ANKRA2: variants seen among roughly 807,000 people sequenced by gnomAD.
The protein encoded by ANKRA2 is ankyrin repeat family A protein 2.
ANKRA2 carries 33 observed loss-of-function variants against 37.8 expected under a neutral mutation model. The observed-to-expected ratio is 0.87, with a 90% CI of 0.66 to 1.17. ANKRA2 has a LOEUF of 1.17. Among genes scored for constraint, ANKRA2 ranks in the 50% most tolerant of loss-of-function variants. The pLI, the probability that ANKRA2 is intolerant of heterozygous loss-of-function variation, is 0.00. For missense variants in ANKRA2, 326 were observed against 373.7 expected (o/e 0.87, Z 1.05); for synonymous variants, 126 against 132.3 (o/e 0.95, Z 0.33).
chr5:73,556,776 G>A (rs757902870), intron 4 of ANKRA2, among the ~76,000 whole-genome samples: 3 of 151,888 alleles, frequency 2.0e-5, no homozygotes, highest in Non-Finnish European at 4.4e-5. Context: ...TATATAGCAG[G>A]TAGGTCACAC....
Position 73,562,836 on chromosome 5 carries a change from C to G in ANKRA2, c.46G>C (p.Glu16Gln). ...NLDIGAQLIVEECPSTYSLTG... is the reference protein window; with the variant it reads ...NLDIGAQLIVQECPSTYSLTG... ...AGGCTATAAGTGCTGGGACACTCTT[C>G]CACGATAAGCTGGGCTCCAATATCC... Residue 16 changes from glutamate to glutamine, a missense_variant, in exon 2 of 9, where the codon GAA becomes CAA. Physicochemically the swap from Glu to Gln is conservative, Grantham distance 29 (BLOSUM62 2). Coordinates refer to ENST00000296785, the MANE Select transcript of ANKRA2 (RefSeq NM_023039.5). 6.2e-7 allele frequency: 1 copy of G among 1,613,344 alleles called. No homozygotes were observed. Among genetic ancestry groups the G allele is most frequent in the African/African-American group, 1.3e-5 (1 of 75,030 alleles).
intron 2 of ANKRA2, among the ~76,000 whole-genome samples, chr5:73,561,522 T>C (rs1013572045): frequency 2.6e-5 from 4 of 151,504 alleles, no homozygotes; most frequent in Admixed American, 6.6e-5. Flanking sequence ...CCCCAGCACT[T>C]TGGGAGGCCA....
chr5:73,563,348 C>T (rs978621799), intron 1 of ANKRA2, among the ~76,000 whole-genome samples: 8 of 152,210 alleles, frequency 5.3e-5, no homozygotes, highest in African/African-American at 1.9e-4. Flanking sequence ...TTTCCTATAT[C>T]TGAATATCAC....
At chr5:73,553,055 T>C (rs1306637512) in intron 8 of ANKRA2, among the ~76,000 whole-genome samples, 1 of 152,240 alleles carries the variant, frequency 6.6e-6, no homozygotes, top group Non-Finnish European at 1.5e-5. Context: ...TCCAAGTTAC[T>C]GGACGTTGTG....
At chr5:73,553,888 C>A (rs1747321639) in intron 7 of ANKRA2, among the ~76,000 whole-genome samples, 1 of 152,008 alleles carries the variant, frequency 6.6e-6, no homozygotes, top group Admixed American at 6.6e-5. Flanking sequence ...GATTCTCCTG[C>A]CTTAGCATCC....
chr5:73,556,675 A>C (rs1168975838), intron 4 of ANKRA2, among the ~76,000 whole-genome samples: 2 of 152,166 alleles, frequency 1.3e-5, no homozygotes, highest in Non-Finnish European at 2.9e-5. Flanking sequence ...AGGAAGTCAA[A>C]GGAAAAATGA....
rs34080535 is a variant in ANKRA2, at chr5:73,564,111, G to GA, written c.-105+1020dup. Among the ~76,000 whole-genome samples, 109 of 146,774 alleles carry GA rather than the reference G, an allele frequency of 7.4e-4. 1 individual carries two copies. The highest frequency in any genetic ancestry group is 1.8e-3 in the African/African-American group (73 of 39,468). On this transcript the variant is annotated intron_variant, in intron 1 of 8. Coordinates refer to ENST00000296785, the MANE Select transcript of ANKRA2 (RefSeq NM_023039.5). ...AATAAATAACACATAGTATAGTAAG[G>GA]AAAAAAAAAAAAAGCAGGAAGTAAG...
chr5:73,561,046 C>T (rs1747537744), intron 3 of ANKRA2, 84 bp downstream of exon 3: 4 of 1,325,560 alleles, frequency 3.0e-6, no homozygotes, highest in Non-Finnish European at 4.2e-6. Context: ...AGAAAATATG[C>T]ATTTAATGAA....
intron 2 of ANKRA2, chr5:73,561,505 C>T (rs1020046722): frequency 2.2e-6 from 1 of 454,994 alleles, no homozygotes; most frequent in East Asian, 4.7e-5. Flanking sequence ...GGTGCTCACG[C>T]CTGTAACCCC....
chr5:73,558,273 C>T (rs547282102), intron 3 of ANKRA2, among the ~76,000 whole-genome samples: 3 of 152,072 alleles, frequency 2.0e-5, no homozygotes, highest in Admixed American at 6.6e-5. Flanking sequence ...GCCACCATGC[C>T]TCAGCCTTTT....
At chr5:73,554,473 A>T (rs1203489460) in intron 6 of ANKRA2, 85 bp from the exon 7 acceptor site, 14 of 872,314 alleles carry the variant, frequency 1.6e-5, no homozygotes, top group Non-Finnish European at 2.6e-5. Flanking sequence ...TTTTACTAGA[A>T]TTAGACATAT....
At chr5:73,564,648 A>G (rs7716204) in intron 1 of ANKRA2, among the ~76,000 whole-genome samples, 3 of 152,248 alleles carry the variant, frequency 2.0e-5, no homozygotes, top group Non-Finnish European at 4.4e-5. Flanking sequence ...TTCATCTATT[A>G]TAAAAAGGTG....
At chr5:73,555,449 G>A (rs1179247455) in intron 5 of ANKRA2, 39 bp downstream of exon 5, 3 of 1,609,348 alleles carry the variant, frequency 1.9e-6, no homozygotes, top group East Asian at 2.2e-5. Context: ...CTTAACTTAA[G>A]TAACTATACA....
intron 7 of ANKRA2, 147 bp downstream of exon 7, chr5:73,554,175 G>A: frequency 1.4e-6 from 1 of 700,652 alleles, no homozygotes; most frequent in Admixed American, 2.9e-5. Flanking sequence ...GGCAACTTTT[G>A]GTGGCAGGTG....
intron 2 of ANKRA2, 105 bp downstream of exon 2, chr5:73,562,488 T>C (rs1173891190): frequency 1.0e-5 from 11 of 1,073,592 alleles, no homozygotes; most frequent in East Asian, 5.1e-5. Flanking sequence ...TATTAAAAAA[T>C]GACTTCTAAA....
chr5:73,560,785 T>C (rs184261939), intron 3 of ANKRA2, among the ~76,000 whole-genome samples: 28 of 152,358 alleles, frequency 1.8e-4, no homozygotes, highest in African/African-American at 6.3e-4. Context: ...TCAGTATCTC[T>C]ACCTTTTCAG....
intron 2 of ANKRA2, 133 bp downstream of exon 2, chr5:73,562,460 T>A (rs1188095781): frequency 1.1e-5 from 9 of 795,020 alleles, no homozygotes; most frequent in African/African-American, 1.7e-5. Flanking sequence ...TTGGTTTCTA[T>A]GAGATTCCAG....
At chr5:73,563,715 G>A (rs1388597334) in intron 1 of ANKRA2, among the ~76,000 whole-genome samples, 1 of 152,160 alleles carries the variant, frequency 6.6e-6, no homozygotes, top group Non-Finnish European at 1.5e-5. Context: ...GGACAGAAAG[G>A]AAATTAATAA....
At position 73,565,121 on chromosome 5, in the gene ANKRA2, T is replaced by C. The variant is rs1281103737; in HGVS notation, c.-105+11A>G. On this transcript the variant is annotated intron_variant, in intron 1 of 8. Transcript: ENST00000296785. ...GAGAGGAAGGTGCTATGAAAATAAA[T>C]GATGCCTCACAGGCGACAGGTGTCC... is the stretch of plus-strand genomic sequence containing the variant. 6.6e-6 allele frequency: 1 copy of C among 152,112 alleles called. No individual in the cohort carries two copies. Among genetic ancestry groups the C allele is most frequent in the African/African-American group, 2.4e-5 (1 of 41,410 alleles). 9.4% of individuals were successfully genotyped at this position (152,112 alleles called of 1,614,324 possible).
Sources: gnomAD v4.1 joint callset for allele counts (sites outside exome capture counted in the v4.1 genomes callset) on GRCh38, gnomAD v4.1.1 for gene constraint, MANE v1.5 for transcripts, NCBI Gene and HGNC (gene_info 2026-07-23, HGNC 2026-07-21) for gene names.